The following CACNB4 variants were observed in gnomAD, a reference collection of about 807,000 sequenced individuals.
CACNB4 encodes calcium voltage-gated channel auxiliary subunit beta 4.
A neutral mutation model predicts 71.2 loss-of-function variants in CACNB4; 32 were observed. That is an observed-to-expected ratio of 0.45 (90% CI 0.34 to 0.60). The LOEUF is 0.60. Among genes scored for constraint, CACNB4 ranks in the 20% least tolerant of loss-of-function variants. The pLI, the probability that CACNB4 is intolerant of heterozygous loss-of-function variation, is 0.01. For missense variants in CACNB4, 464 were observed against 647.9 expected (o/e 0.72, Z 3.08); for synonymous variants, 231 against 236.9 (o/e 0.97, Z 0.23).
At chr2:151,989,447 C>T (rs1280743246) in intron 2 of CACNB4, among the ~76,000 whole-genome samples, 4 of 152,208 alleles carry the variant, frequency 2.6e-5, no homozygotes, top group Admixed American at 6.5e-5. Flanking sequence ...AGAACCTCGT[C>T]TTATGTGACC....
At chr2:151,967,354 T>A (rs141522018) in intron 2 of CACNB4, 6 of 152,278 alleles carry the variant, frequency 3.9e-5, no homozygotes, top group African/African-American at 1.4e-4. Context: ...CCGCGCCTGG[T>A]CTGTCTCCAC....
chr2:152,025,940 G>A (rs1560142494), intron 2 of CACNB4, among the ~76,000 whole-genome samples: 2 of 152,208 alleles, frequency 1.3e-5, no homozygotes, highest in African/African-American at 4.8e-5. Context: ...TGTTTGCAGC[G>A]GGAGGGTTGC....
At chr2:152,051,108 A>G (rs1685406597) in intron 2 of CACNB4, among the ~76,000 whole-genome samples, 1 of 152,060 alleles carries the variant, frequency 6.6e-6, no homozygotes. Context: ...AACCACAGAA[A>G]AAAACCCTCA....
At chr2:151,961,388 A>G (rs534914702) in intron 2 of CACNB4, among the ~76,000 whole-genome samples, 13 of 152,184 alleles carry the variant, frequency 8.5e-5, no homozygotes, top group Non-Finnish European at 1.6e-4. Context: ...CACAAAACTA[A>G]CATTTAAATC....
chr2:152,040,451 TA>T (rs1411770460), intron 2 of CACNB4, among the ~76,000 whole-genome samples: 4 of 152,248 alleles, frequency 2.6e-5, no homozygotes, highest in Non-Finnish European at 4.4e-5. Flanking sequence ...TTTATTCATT[TA>T]TTTTTTTGAG....
At chr2:151,939,824 T>C (rs2099863803) in intron 2 of CACNB4, among the ~76,000 whole-genome samples, 1 of 152,066 alleles carries the variant, frequency 6.6e-6, no homozygotes, top group Non-Finnish European at 1.5e-5. Flanking sequence ...TGAAAGTTCT[T>C]GGGAAAGCAA....
intron 2 of CACNB4, among the ~76,000 whole-genome samples, chr2:152,073,009 T>A (rs1686786965): frequency 6.6e-6 from 1 of 152,118 alleles, no homozygotes; most frequent in Admixed American, 6.5e-5. Context: ...TGGTCTAGTA[T>A]ATGGTTAAGC....
chr2:152,038,893 C>T (rs4608509), intron 2 of CACNB4, among the ~76,000 whole-genome samples: 64,824 of 151,936 alleles, frequency 0.43, 16,069 homozygotes, highest in Non-Finnish European at 0.57. Context: ...TATGTCCCCA[C>T]CCCAAGAGGG....
In CACNB4 at chr2:151,835,192, T is replaced by C. The variant is rs902573998; in HGVS notation, c.*3927A>G. 6 of 151,932 alleles carry C rather than the reference T, an allele frequency of 3.9e-5. No individual in the cohort carries two copies. Among genetic ancestry groups the C allele is most frequent in the Non-Finnish European group, 8.8e-5 (6 of 67,820 alleles). The allele number at this position is 151,932 out of a possible 1,614,324, so 9.4% of individuals were successfully genotyped here. A position where few individuals can be genotyped will look rare whatever the true frequency, so the allele number is the denominator to read the frequency against. Reference sequence around the variant, plus strand: ...ATAACAAGTTGCACACAAAGGCAATTCCCTTGCAGTTTGTTTTGTTCCCTA... The same window carrying C: ...ATAACAAGTTGCACACAAAGGCAATCCCCTTGCAGTTTGTTTTGTTCCCTA... On this transcript the variant is annotated 3_prime_UTR_variant, in exon 14 of 14. Coordinates refer to ENST00000539935, the MANE Select transcript of CACNB4 (RefSeq NM_000726.5).
At chr2:152,088,817 A>T (rs148420300) in intron 2 of CACNB4, among the ~76,000 whole-genome samples, 8 of 152,240 alleles carry the variant, frequency 5.3e-5, no homozygotes, top group Non-Finnish European at 5.9e-5. Flanking sequence ...AAAATAGGGA[A>T]GTTTACAAAG....
chr2:151,927,635 G>A (rs2099860580), intron 2 of CACNB4, among the ~76,000 whole-genome samples: 2 of 152,242 alleles, frequency 1.3e-5, no homozygotes, highest in Admixed American at 6.5e-5. Flanking sequence ...GAACAGCACT[G>A]AAAACTCACT....
intron 2 of CACNB4, among the ~76,000 whole-genome samples, chr2:152,075,404 G>A (rs190555584): frequency 1.0e-3 from 159 of 152,292 alleles, no homozygotes; most frequent in African/African-American, 2.7e-3. Context: ...TACTCTGAGC[G>A]TATTAAGGGA....
intron 2 of CACNB4, among the ~76,000 whole-genome samples, chr2:151,928,059 G>A (rs548736863): frequency 1.3e-5 from 2 of 152,324 alleles, no homozygotes; most frequent in South Asian, 2.1e-4. Flanking sequence ...ACTTGGCCAT[G>A]TGAAGGGCTG....
At chr2:151,928,253 G>A (rs1014370905) in intron 2 of CACNB4, among the ~76,000 whole-genome samples, 26 of 152,092 alleles carry the variant, frequency 1.7e-4, no homozygotes, top group African/African-American at 5.8e-4. Flanking sequence ...AATGACTATC[G>A]ACTTACAAAC....
At chr2:151,842,166 AT>A (rs1193447366) in intron 12 of CACNB4, 78 bp from the exon 13 acceptor site, 1 of 1,209,136 alleles carries the variant, frequency 8.3e-7, no homozygotes, top group African/African-American at 1.5e-5. Flanking sequence ...CTTAACACAG[AT>A]AATAGCATTT....
intron 2 of CACNB4, among the ~76,000 whole-genome samples, chr2:151,887,498 A>G (rs1274677599): frequency 1.3e-5 from 2 of 152,206 alleles, no homozygotes; most frequent in Admixed American, 1.3e-4. Flanking sequence ...TCTCAAGTAC[A>G]AAATGCAAAA....
At chr2:151,947,182 T>C (rs961872144) in intron 2 of CACNB4, among the ~76,000 whole-genome samples, 42 of 152,208 alleles carry the variant, frequency 2.8e-4, no homozygotes, top group African/African-American at 7.5e-4. Context: ...GCTGGTAGCG[T>C]CATCCTGTAA....
intron 9 of CACNB4, chr2:151,865,977 G>T (rs925444334): frequency 6.6e-6 from 1 of 151,964 alleles, no homozygotes; most frequent in South Asian, 2.1e-4. Context: ...TAGAGATGAG[G>T]TTTCTCCATG....
At position 151,909,455 on chromosome 2, in the gene CACNB4, A is replaced by C. The variant is rs1313025864; in HGVS notation, c.148-26085T>G. 5.5e-4 allele frequency among the ~76,000 whole-genome samples: 69 copies of C among 126,124 alleles called. 1 individual carries two copies. The highest frequency in any genetic ancestry group is 7.9e-4 in the Non-Finnish European group (41 of 52,036). 82.7% of individuals were successfully genotyped at this position (126,124 alleles called of 152,430 possible). A position where few individuals can be genotyped will look rare whatever the true frequency, so the allele number is the denominator to read the frequency against. On this transcript the variant is annotated intron_variant, in intron 2 of 13. Coordinates refer to ENST00000539935, the MANE Select transcript of CACNB4 (RefSeq NM_000726.5). ...CATCTCAGGGAGGAAAAAAACAAAA[A>C]AAAAAAACAAAAAATGGGATACAAG...
Sources: gnomAD v4.1 joint callset for allele counts (sites outside exome capture counted in the v4.1 genomes callset) on GRCh38, gnomAD v4.1.1 for gene constraint, MANE v1.5 for transcripts, NCBI Gene and HGNC (gene_info 2026-07-23, HGNC 2026-07-21) for gene names.